The following KDM4A variants were observed in gnomAD, a reference collection of about 807,000 sequenced individuals.
KDM4A encodes lysine-specific demethylase 4A.
In KDM4A, 23 loss-of-function variants were observed where a neutral mutation model predicts 127.1. The observed-to-expected ratio is 0.18, with a 90% confidence interval of 0.13 to 0.26. The LOEUF is 0.26. KDM4A is among the 10% of genes least tolerant of loss of function. The pLI is 1.00. For missense variants in KDM4A, 890 were observed against 1,329.1 expected, an observed-to-expected ratio of 0.67 and a Z score of 5.14; for synonymous variants, 443 against 466.5, an observed-to-expected ratio of 0.95 and a Z score of 0.65.
At position 43,689,114 on chromosome 1, in the gene KDM4A, C is replaced by T. The variant is rs569831656; in HGVS notation, c.2037+19C>T. The T allele has an allele frequency of 2.5e-6, 4 of 1,611,416 alleles. No individual in the cohort carries two copies. Among genetic ancestry groups the T allele is most frequent in the Admixed American group, 3.3e-5 (2 of 59,934 alleles). ...TCATCAGGTAACCCAGCTCCATGCACTCTGTTTACCCAGGACCAGCAATCA... is the reference window on the plus strand; with the variant it reads ...TCATCAGGTAACCCAGCTCCATGCATTCTGTTTACCCAGGACCAGCAATCA... On this transcript the variant is annotated intron_variant, in intron 13 of 21. Transcript: ENST00000372396.
rs1412059361 is a variant in KDM4A at position 43,689,038 on chromosome 1, C to T, written c.1980C>T (p.Thr660=). 1.2e-6 allele frequency: 2 copies of T among 1,614,110 alleles called. No individual in the cohort carries two copies. The highest frequency in any genetic ancestry group is 2.7e-5 in the African/African-American group (2 of 74,938). ...AGGCTGAGAAGGAATTCAATGAGAC[C>T]ATGGCCCAACAGGCCCCTCACTGCG... ...NFEAEKEFNE[T]MAQQAPHCAV... Residue 660 remains threonine, a synonymous_variant, in exon 13 of 22, where the codon ACC becomes ACT. Coordinates refer to ENST00000372396, the MANE Select transcript of KDM4A (RefSeq NM_014663.3).
At chr1:43,695,988 T>C (rs142113053) in intron 18 of KDM4A, among the ~76,000 whole-genome samples, 2 of 152,122 alleles carry the variant, frequency 1.3e-5, no homozygotes, top group African/African-American at 2.4e-5. Context: ...GAAGGAGGGA[T>C]GAGAAAGAGG....
At chr1:43,675,092 C>T (rs1049003315) in intron 11 of KDM4A, among the ~76,000 whole-genome samples, 1 of 152,150 alleles carries the variant, frequency 6.6e-6, no homozygotes, top group Admixed American at 6.5e-5. Context: ...CTTTTTATTT[C>T]GGTATGTACT....
chr1:43,651,325 GTGCACT>G lies in KDM4A; in HGVS notation c.-40+1075_-40+1080del, dbSNP rs1660109158. Among the ~76,000 whole-genome samples, 7 of 152,326 alleles carry G rather than the reference GTGCACT, an allele frequency of 4.6e-5. No homozygotes were observed. In the South Asian group the frequency reaches 1.5e-3, roughly 32 times the overall value. On this transcript the variant is annotated intron_variant, in intron 1 of 21. Coordinates refer to ENST00000372396, the MANE Select transcript of KDM4A (RefSeq NM_014663.3). ...TGTAAGCAGTATAGAGCAGTGGAAG[GTGCACT>G]TAAGAGTGGGCTGTGGGCAAATTTC...
chr1:43,654,691 A>T, intron 2 of KDM4A, among the ~76,000 whole-genome samples: 1 of 133,568 alleles, frequency 7.5e-6, no homozygotes, highest in African/African-American at 3.0e-5. Context: ...TGCCTTATGC[A>T]GATGCTTGTG....
chr1:43,677,980 T>C (rs557348611), intron 11 of KDM4A, among the ~76,000 whole-genome samples: 96 of 152,182 alleles, frequency 6.3e-4, no homozygotes, highest in African/African-American at 2.6e-4. Context: ...GAAAATGGAC[T>C]TGAGAGCTAC....
In KDM4A at chr1:43,667,776, C is replaced by A; in HGVS notation, c.920C>A (p.Ser307Tyr). 6.2e-7 allele frequency: 1 copy of A among 1,614,122 alleles called. No homozygotes were observed. The highest frequency in any genetic ancestry group is 1.1e-5 in the South Asian group (1 of 91,060). Residue 307 changes from serine (S) to tyrosine (Y), a missense_variant, in exon 9 of 22, where the codon TCC becomes TAC. Physicochemically the swap from Ser to Tyr is moderately radical, Grantham distance 144. Transcript: ENST00000372396. ...IEYGKQAVLC[S>Y]CRKDMVKISM... ...TCTTCTGGTTCCTGCTGACAGTGCT[C>A]CTGTAGAAAGGACATGGTGAAGATC...
At chr1:43,699,765 A>G (rs933791646) in intron 19 of KDM4A, 1 of 142,078 alleles carries the variant, frequency 7.0e-6, no homozygotes, top group Non-Finnish European at 1.5e-5. Context: ...TCTGTTGCCC[A>G]GGCTGGAGTA....
At chr1:43,666,814 A>T (rs1471406322) in intron 7 of KDM4A, 140 bp from the exon 8 acceptor site, 1 of 813,840 alleles carries the variant, frequency 1.2e-6, no homozygotes, top group Admixed American at 2.5e-5. Context: ...TGGGCTTTGC[A>T]TTTTATAGAA....
In KDM4A at chr1:43,704,395, T is replaced by C. The variant is rs1276961390; in HGVS notation, c.*25T>C. ...GGTGCTTCCAGGGTCCAAGGGATTC[T>C]CAGCCATCCAGGCAAGAGCACTCTG... is the stretch of plus-strand genomic sequence containing the variant. On this transcript the variant is annotated 3_prime_UTR_variant, in exon 22 of 22. Coordinates refer to ENST00000372396, the MANE Select transcript of KDM4A (RefSeq NM_014663.3). The C allele has an allele frequency of 6.2e-7, 1 of 1,606,540 alleles. No individual in the cohort carries two copies. The highest frequency in any genetic ancestry group is 1.3e-5 in the African/African-American group (1 of 74,622).
chr1:43,697,800 C>A (rs2154049057), intron 18 of KDM4A, 43 bp from the exon 19 acceptor site: 1 of 1,581,710 alleles, frequency 6.3e-7, no homozygotes, highest in South Asian at 1.1e-5. Flanking sequence ...GCCAGGCCTG[C>A]AAACTCCACG....
At position 43,660,312 on chromosome 1, in the gene KDM4A, G is replaced by A. The variant is rs752886235; in HGVS notation, c.329G>A (p.Arg110His). 18 of 1,613,914 alleles carry A rather than the reference G, an allele frequency of 1.1e-5. No individual in the cohort carries two copies. In the Middle Eastern group the frequency reaches 6.6e-4, roughly 59 times the overall value. The change falls in exon 4 of 22, where the codon CGC (arginine) becomes CAC (histidine). Residue 110 changes from arginine to histidine, a missense_variant. Arg to His is a conservative substitution (Grantham distance 29, BLOSUM62 0). Transcript: ENST00000372396. ...CTTTCAAAAAGGTACTGTACCCCACGCTATAGTGAGTTTGAAGAGCTCGAG... is the reference window on the plus strand; with the variant it reads ...CTTTCAAAAAGGTACTGTACCCCACACTATAGTGAGTTTGAAGAGCTCGAG... ...IANSDKYCTP[R>H]YSEFEELERK...
intron 20 of KDM4A, 96 bp from the exon 21 acceptor site, chr1:43,703,924 C>T: frequency 1.5e-6 from 2 of 1,325,380 alleles, no homozygotes; most frequent in Non-Finnish European, 2.2e-6. Context: ...AGTGTTCTAA[C>T]TCCTTCCTTT....
chr1:43,696,518 G>C (rs1175079602), intron 18 of KDM4A, among the ~76,000 whole-genome samples: 1 of 152,192 alleles, frequency 6.6e-6, no homozygotes, highest in Non-Finnish European at 1.5e-5. Flanking sequence ...AGGTGGTCAG[G>C]GGTATGATAG....
At chr1:43,695,295 T>G (rs1661216340) in intron 18 of KDM4A, among the ~76,000 whole-genome samples, 1 of 152,206 alleles carries the variant, frequency 6.6e-6, no homozygotes, top group Non-Finnish European at 1.5e-5. Context: ...ACAGTAGAGA[T>G]TTCTGCAGTT....
At chr1:43,696,413 C>G (rs1309462627) in intron 18 of KDM4A, among the ~76,000 whole-genome samples, 1 of 152,196 alleles carries the variant, frequency 6.6e-6, no homozygotes, top group African/African-American at 2.4e-5. Flanking sequence ...AGATGGCCAG[C>G]CCAGAAGGAT....
chr1:43,665,693 C>T lies in KDM4A; in HGVS notation c.624-3C>T, dbSNP rs1660485927. The T allele has an allele frequency of 1.2e-6, 2 of 1,613,942 alleles. No homozygotes were observed. Among genetic ancestry groups the T allele is most frequent in the Non-Finnish European group, 8.5e-7 (1 of 1,179,864 alleles). On this transcript the variant is annotated splice_polypyrimidine_tract_variant and splice_region_variant and intron_variant, in intron 5 of 21. Transcript: ENST00000372396. ...AGCCTCTGATGCTCTCATGTGATTG[C>T]AGGTACTCTGTTCCACCTGAGCATG...
rs201339111 is a variant in KDM4A, at chr1:43,671,656, A to G, written c.1515A>G (p.Lys505=). The change falls in exon 11 of 22, where the codon AAA becomes AAG. Residue 505 remains lysine, a synonymous_variant. Transcript: ENST00000372396. ...GACGCCTTGTCTTCTCAGGCTCCAA[A>G]AAGAAATCATCTTCTAGCCTGGGCT... The part of the protein sequence containing the change: ...VGGRLVFSGS[K]KKSSSSLGSG... 138 of 1,612,276 alleles carry G rather than the reference A, an allele frequency of 8.6e-5. No homozygotes were observed. Among genetic ancestry groups the G allele is most frequent in the Non-Finnish European group, 1.1e-4 (133 of 1,178,728 alleles).
chr1:43,703,664 C>T lies in KDM4A; in HGVS notation c.2889C>T (p.Val963=). 6.2e-7 allele frequency: 1 copy of T among 1,614,070 alleles called. No individual in the cohort carries two copies. Among genetic ancestry groups the T allele is most frequent in the South Asian group, 1.1e-5 (1 of 91,070 alleles). The change falls in exon 20 of 22, where the codon GTC becomes GTT. Residue 963 remains valine, a synonymous_variant. Transcript: ENST00000372396. The part of the protein sequence containing the change: ...QFGPPAEGEV[V]QVRWTDGQVY... ...GTCCTCCTGCTGAAGGGGAAGTGGTCCAAGTGAGATGGACAGACGGCCAAG... is the reference window on the plus strand; with the variant it reads ...GTCCTCCTGCTGAAGGGGAAGTGGTTCAAGTGAGATGGACAGACGGCCAAG...
Sources: gnomAD v4.1 joint callset for allele counts (sites outside exome capture counted in the v4.1 genomes callset) on GRCh38, gnomAD v4.1.1 for gene constraint, MANE v1.5 for transcripts, NCBI Gene and HGNC (gene_info 2026-07-23, HGNC 2026-07-21) for gene names.